The following SH3PXD2A variants were observed in gnomAD, a reference collection of about 807,000 sequenced individuals.
SH3PXD2A encodes the protein SH3 and PX domains 2A.
Under a neutral mutation model 115.2 loss-of-function variants are expected in SH3PXD2A, and 32 were observed. The ratio of observed to expected loss-of-function variants is 0.28; its 90% CI spans 0.21 to 0.37. The LOEUF is 0.37. Ranked by LOEUF, SH3PXD2A falls within the 10% of genes least tolerant of loss-of-function variation. The pLI is 1.00. For missense variants in SH3PXD2A, 1,328 were observed against 1,498.7 expected (o/e 0.89, Z 1.88); for synonymous variants, 610 against 629.1 (o/e 0.97, Z 0.45).
chr10:103,731,037 G>A (rs1209453208), intron 4 of SH3PXD2A, among the ~76,000 whole-genome samples: 1 of 152,150 alleles, frequency 6.6e-6, no homozygotes, highest in Non-Finnish European at 1.5e-5. Context: ...TGGACTGCAG[G>A]ATATGGAAGA....
At position 103,598,647 on chromosome 10, in the gene SH3PXD2A, G is replaced by A. The variant is rs1339071485; in HGVS notation, c.*3169C>T. 2 of 152,622 alleles carry A rather than the reference G, an allele frequency of 1.3e-5. No homozygotes were observed. Among genetic ancestry groups the A allele is most frequent in the Admixed American group, 6.5e-5 (1 of 15,280 alleles). 9.5% of individuals were successfully genotyped at this position (152,622 alleles called of 1,614,324 possible). On this transcript the variant is annotated 3_prime_UTR_variant, in exon 15 of 15. Coordinates refer to ENST00000369774, the MANE Select transcript of SH3PXD2A (RefSeq NM_001394015.1). ...CTTTTTCCTTTTTTAGTCCGATCTG[G>A]TTTTCCTCCAGATGGGTCAGAGCCC...
At chr10:103,721,376 G>A (rs890634541) in intron 5 of SH3PXD2A, among the ~76,000 whole-genome samples, 44 of 152,256 alleles carry the variant, frequency 2.9e-4, no homozygotes, top group African/African-American at 9.4e-4. Context: ...CAAAGCCATG[G>A]CCTGCTGCCT....
intron 4 of SH3PXD2A, 111 bp downstream of exon 4, chr10:103,735,621 G>A: frequency 1.2e-6 from 1 of 860,782 alleles, no homozygotes; most frequent in South Asian, 1.4e-5. Context: ...CAGGCCTCAG[G>A]ACGGTTCTGT....
chr10:103,841,915 G>A (rs2039602891), intron 1 of SH3PXD2A, among the ~76,000 whole-genome samples: 1 of 152,138 alleles, frequency 6.6e-6, no homozygotes, highest in Non-Finnish European at 1.5e-5. Flanking sequence ...ACGAGGTCAG[G>A]AGATCAAGAC....
At chr10:103,615,407 A>G (rs534613165) in intron 11 of SH3PXD2A, among the ~76,000 whole-genome samples, 6 of 152,262 alleles carry the variant, frequency 3.9e-5, no homozygotes, top group Non-Finnish European at 5.9e-5. Flanking sequence ...CTCTGCTCAC[A>G]TCTGCTTTCC....
In SH3PXD2A at chr10:103,594,799, G is replaced by A. The variant is rs10879; in HGVS notation, c.*7017C>T. 41,918 of 152,118 alleles carry A rather than the reference G, an allele frequency of 0.28. 6,285 individuals are homozygous for A. The highest frequency in any genetic ancestry group is 0.45 in the East Asian group (2,330 of 5,164). 9.4% of individuals were successfully genotyped at this position (152,118 alleles called of 1,614,324 possible). ...CATGGATGAATGTTCATCACACCCA[G>A]TCTAATTCATACCAGGTGGCAGGCT... On this transcript the variant is annotated 3_prime_UTR_variant, in exon 15 of 15. Transcript: ENST00000369774.
rs17115979 is a variant in SH3PXD2A at position 103,784,933 on chromosome 10, A to T, written c.153+16349T>A. 0.11 allele frequency among the ~76,000 whole-genome samples: 16,891 copies of T among 152,054 alleles called. 1,010 individuals are homozygous for T. The highest frequency in any genetic ancestry group is 0.2 in the South Asian group (984 of 4,820). ...CTAGGCGTGTCTGCTTAGACGGGTA[A>T]CCAGTCTGCAGGTCAGCTCGGGTTG... On this transcript the variant is annotated intron_variant, in intron 2 of 14. Coordinates refer to ENST00000369774, the MANE Select transcript of SH3PXD2A (RefSeq NM_001394015.1). This position sits in a 1 kb window ranked among gnomAD's most constrained non-coding sequence, Gnocchi z 4.4.
intron 1 of SH3PXD2A, among the ~76,000 whole-genome samples, chr10:103,823,596 A>G (rs1366428881): frequency 6.6e-6 from 1 of 152,226 alleles, no homozygotes; most frequent in Non-Finnish European, 1.5e-5. Context: ...AAGCCCATCT[A>G]ACAGAAGAAG....
intron 4 of SH3PXD2A, among the ~76,000 whole-genome samples, chr10:103,733,147 C>T (rs1564875778): frequency 1.3e-5 from 2 of 152,160 alleles, no homozygotes; most frequent in South Asian, 2.1e-4. Context: ...CCTTGTCTGG[C>T]TCTGGGCAGT....
At position 103,723,207 on chromosome 10, in the gene SH3PXD2A, C is replaced by T. The variant is rs893147742; in HGVS notation, c.398+1063G>A. On this transcript the variant is annotated intron_variant, in intron 5 of 14. Transcript: ENST00000369774. ...GTTCCTGTGTCCTACTCTCTCCTTT[C>T]CCTCTGTAGTAGCCACCCCATCTGC... 5.9e-5 allele frequency among the ~76,000 whole-genome samples: 9 copies of T among 152,330 alleles called. No individual in the cohort carries two copies. In the South Asian group the frequency reaches 6.2e-4, roughly 11 times the overall value.
chr10:103,630,801 T>C lies in SH3PXD2A; in HGVS notation c.605-3599A>G, dbSNP rs978072924. Reference sequence around the variant, plus strand: ...AAAAAGGAGATGGAAAGTGACTCAGTCCTGATTTCCATCATTTGGGCTCCT... The same window carrying C: ...AAAAAGGAGATGGAAAGTGACTCAGCCCTGATTTCCATCATTTGGGCTCCT... On this transcript the variant is annotated intron_variant, in intron 8 of 14. Transcript: ENST00000369774. 4.6e-5 allele frequency among the ~76,000 whole-genome samples: 7 copies of C among 150,606 alleles called. No homozygotes were observed. In the East Asian group the frequency reaches 1.4e-3, roughly 29 times the overall value.
intron 1 of SH3PXD2A, among the ~76,000 whole-genome samples, chr10:103,811,845 C>A (rs1468284625): frequency 6.6e-6 from 1 of 152,188 alleles, no homozygotes; most frequent in African/African-American, 2.4e-5. Flanking sequence ...CCTCCATACC[C>A]CATAAAATAA....
intron 5 of SH3PXD2A, among the ~76,000 whole-genome samples, chr10:103,708,335 G>T (rs2038006028): frequency 6.6e-6 from 1 of 152,194 alleles, no homozygotes; most frequent in Non-Finnish European, 1.5e-5. Context: ...CCCTGCGGCT[G>T]CCAGGCTCTT....
chr10:103,612,762 G>A (rs2036447426), intron 12 of SH3PXD2A, 91 bp downstream of exon 12: 1 of 825,496 alleles, frequency 1.2e-6, no homozygotes, highest in South Asian at 1.9e-5. Context: ...ACGCCATGGG[G>A]GTCCTGTGCA....
chr10:103,675,868 C>A (rs1215138687), intron 6 of SH3PXD2A, among the ~76,000 whole-genome samples: 1 of 152,032 alleles, frequency 6.6e-6, no homozygotes, highest in African/African-American at 2.4e-5. Flanking sequence ...CATGTTAAAC[C>A]CCATCTCTAC....
chr10:103,605,475 G>A (rs557534656), intron 14 of SH3PXD2A, among the ~76,000 whole-genome samples: 1 of 152,318 alleles, frequency 6.6e-6, no homozygotes, highest in East Asian at 1.9e-4. Flanking sequence ...GTTGGATTTT[G>A]TTTAATCCAC....
chr10:103,656,211 C>CCAA (rs1441252842), intron 8 of SH3PXD2A, among the ~76,000 whole-genome samples: 1 of 152,212 alleles, frequency 6.6e-6, no homozygotes, highest in African/African-American at 2.4e-5. Flanking sequence ...AACCTACCCA[C>CCAA]CAACAGCCTC....
intron 3 of SH3PXD2A, among the ~76,000 whole-genome samples, chr10:103,750,365 T>C (rs2134204286): frequency 6.6e-6 from 1 of 152,218 alleles, no homozygotes; most frequent in East Asian, 1.9e-4. Context: ...TTATTGTCGT[T>C]TTAAGCTGCT....
At position 103,595,018 on chromosome 10, in the gene SH3PXD2A, C is replaced by T. The variant is rs1192757884; in HGVS notation, c.*6798G>A. The T allele has an allele frequency of 6.6e-6, 1 of 152,202 alleles. No homozygotes were observed. The highest frequency in any genetic ancestry group is 1.5e-5 in the Non-Finnish European group (1 of 68,042). The allele number at this position is 152,202 out of a possible 1,614,324, so 9.4% of individuals were successfully genotyped here. ...TGAGCCATACAACTTGAGAGACTGG[C>T]TTTGGATTGGACAGTCAAAGGGAAG... is the stretch of plus-strand genomic sequence containing the variant. On this transcript the variant is annotated 3_prime_UTR_variant, in exon 15 of 15. Transcript: ENST00000369774.
Sources: allele counts gnomAD v4.1 joint callset (sites outside exome capture counted in the v4.1 genomes callset), GRCh38; gene constraint gnomAD v4.1.1; non-coding constraint Gnocchi (gnomAD v3.1); transcripts MANE v1.5; gene names NCBI Gene and HGNC (gene_info 2026-07-23, HGNC 2026-07-21).